Variants in SLC2A7 observed in about 807,000 individuals in gnomAD.
SLC2A7 encodes solute carrier family 2, facilitated glucose transporter member 7.
In SLC2A7, 50 loss-of-function variants were observed where a neutral mutation model predicts 50.5. The ratio of observed to expected loss-of-function variants is 0.99; its 90% CI spans 0.79 to 1.25. The LOEUF is 1.25. SLC2A7 is among the 50% of genes most tolerant of loss of function. SLC2A7 has a pLI of 0.00. For synonymous variants in SLC2A7, 308 were observed against 300.4 expected, an observed-to-expected ratio of 1.03 and a Z score of -0.26; for missense variants, 683 against 679.1, an observed-to-expected ratio of 1.01 and a Z score of -0.06.
In SLC2A7 at chr1:9,008,324, C is replaced by G. The variant is rs542268444; in HGVS notation, c.1117-939G>C. Among the ~76,000 whole-genome samples, 1 of 152,246 alleles carries G rather than the reference C, an allele frequency of 6.6e-6. No homozygotes were observed. The highest frequency in any genetic ancestry group is 2.1e-4 in the South Asian group (1 of 4,824). The stretch of plus-strand genomic sequence containing the variant: ...GCAACAAGATCTGATTCATTTTCAA[C>G]AAGAAGAGAAGGCAGGAGGATTGGG... On this transcript the variant is annotated intron_variant, in intron 9 of 11. Coordinates refer to ENST00000400906, the MANE Select transcript of SLC2A7 (RefSeq NM_207420.3). The surrounding 1 kb of genome is among the most constrained non-coding windows in gnomAD (Gnocchi z 5.9).
intron 9 of SLC2A7, 125 bp from the exon 10 acceptor site, chr1:9,007,510 G>A: frequency 1.2e-6 from 1 of 811,134 alleles, no homozygotes; most frequent in South Asian, 1.7e-5. Flanking sequence ...CACCTCCATG[G>A]ACCTTGAGGG....
At chr1:9,015,041 G>T in intron 6 of SLC2A7, 76 bp downstream of exon 6, 11 of 1,588,084 alleles carry the variant, frequency 6.9e-6, no homozygotes, top group Non-Finnish European at 9.4e-6. Flanking sequence ...TGGCGACCCT[G>T]ACTGTGGCCC....
chr1:9,014,682 G>A lies in SLC2A7; in HGVS notation c.902C>T (p.Ala301Val), dbSNP rs1025513705. Reference protein sequence around the residue: ...MAGQQLSGINAINYYADTIYT... With the variant: ...MAGQQLSGINVINYYADTIYT... Reference sequence around the variant, plus strand: ...CTGCCTGGCCACCGTCCCACATACCGCATTGATGCCCGACAGCTGCTGGCC... The same window carrying A: ...CTGCCTGGCCACCGTCCCACATACCACATTGATGCCCGACAGCTGCTGGCC... The change falls in exon 7 of 12, where the codon GCG (alanine) becomes GTG (valine). Residue 301 changes from alanine to valine, a missense_variant and splice_region_variant. Physicochemically the swap from Ala to Val is moderately conservative, Grantham distance 64. Coordinates refer to ENST00000400906, the MANE Select transcript of SLC2A7 (RefSeq NM_207420.3). The A allele has an allele frequency of 1.2e-5, 18 of 1,554,794 alleles. No individual in the cohort carries two copies. The East Asian group carries it at 1.7e-4, about 15-fold the overall frequency.
At position 9,023,221 on chromosome 1, in the gene SLC2A7, T is replaced by C. The variant is rs77248944; in HGVS notation, c.151-143A>G. 5.3e-3 allele frequency: 3,757 copies of C among 710,202 alleles called. 39 individuals carry two copies. Among genetic ancestry groups the C allele is most frequent in the East Asian group, 0.048 (1,635 of 33,744 alleles). The allele number at this position is 710,202 out of a possible 1,614,324, so 44.0% of individuals were successfully genotyped here. A position where few individuals can be genotyped will look rare whatever the true frequency, so the allele number is the denominator to read the frequency against. On this transcript the variant is annotated intron_variant, in intron 2 of 11. Transcript: ENST00000400906. The stretch of plus-strand genomic sequence containing the variant: ...GACACAGTTAAACCCACTGATTCCC[T>C]ACTATTACCTGAGAATCAAAAAATC...
chr1:9,014,702 C>T lies in SLC2A7; in HGVS notation c.882G>A (p.Gln294=), dbSNP rs927186023. Residue 294 remains glutamine, a synonymous_variant, in exon 7 of 12, where the codon CAG becomes CAA. Coordinates refer to ENST00000400906, the MANE Select transcript of SLC2A7 (RefSeq NM_207420.3). ...LLSIIVLMAG[Q]QLSGINAINY... ...ATACCGCATTGATGCCCGACAGCTGCTGGCCGGCCATGAGCACGATGATGG... is the reference window on the plus strand; with the variant it reads ...ATACCGCATTGATGCCCGACAGCTGTTGGCCGGCCATGAGCACGATGATGG... 1.3e-6 allele frequency: 2 copies of T among 1,560,536 alleles called. No individual in the cohort carries two copies. Among genetic ancestry groups the T allele is most frequent in the Non-Finnish European group, 1.7e-6 (2 of 1,152,212 alleles).
chr1:8,997,837 T>G, the SLC2A7 span, among the ~76,000 whole-genome samples: 6 of 152,242 alleles, frequency 3.9e-5, no homozygotes, highest in Admixed American at 3.9e-4. Flanking sequence ...ATAGAAAATT[T>G]TATTAATTTT....
intron 8 of SLC2A7, among the ~76,000 whole-genome samples, chr1:9,012,751 C>T (rs755499010): frequency 2.1e-4 from 32 of 152,300 alleles, no homozygotes; most frequent in Admixed American, 6.5e-4. Flanking sequence ...GCGTAAGTAG[C>T]TCAGACTTTA....
intron 4 of SLC2A7, among the ~76,000 whole-genome samples, chr1:9,018,649 C>G (rs1640867740): frequency 6.6e-6 from 1 of 152,208 alleles, no homozygotes. Flanking sequence ...GGAGCCTAGG[C>G]CTCCGTGTGT....
rs760502963 is a variant in SLC2A7 at position 9,007,378 on chromosome 1, A to T, written c.1124T>A (p.Val375Asp). The stretch of plus-strand genomic sequence containing the variant: ...GATGCCGAGGTAGGACAGCTCGGGG[A>T]CCCTGTTCTGTGGGGAGAGGCAGGG... ...LTVVLLFQNR[V>D]PELSYLGIIC... Residue 375 changes from valine to aspartate, a missense_variant, in exon 10 of 12, where the codon GTC becomes GAC. By Grantham distance (152) the Val-to-Asp change is radical. Coordinates refer to ENST00000400906, the MANE Select transcript of SLC2A7 (RefSeq NM_207420.3). The T allele has an allele frequency of 1.9e-6, 3 of 1,613,872 alleles. No homozygotes were observed. The East Asian group carries it at 6.7e-5, about 36-fold the overall frequency.
At chr1:9,010,041 G>A (rs1352187664) in intron 9 of SLC2A7, 102 bp downstream of exon 9, 1 of 1,026,308 alleles carries the variant, frequency 9.7e-7, no homozygotes, top group East Asian at 2.6e-5. Context: ...GCCATCAGTG[G>A]GACTCAGAAC....
downstream of SLC2A7, among the ~76,000 whole-genome samples, chr1:9,000,702 G>A (rs1294673775): frequency 7.2e-5 from 11 of 151,780 alleles, no homozygotes; most frequent in South Asian, 2.1e-4. Flanking sequence ...ATTGTGGGCC[G>A]GAGTGACTGA....
rs752931488 is a variant in SLC2A7, at chr1:9,007,380, C to G, written c.1122G>C (p.Arg374Ser). Residue 374 changes from arginine to serine, a missense_variant, in exon 10 of 12, where the codon AGG (arginine) becomes AGC (serine). Arg to Ser is a moderately radical substitution (Grantham distance 110, BLOSUM62 -1). Transcript: ENST00000400906. Reference sequence around the variant, plus strand: ...TGCCGAGGTAGGACAGCTCGGGGACCCTGTTCTGTGGGGAGAGGCAGGGCT... The same window carrying G: ...TGCCGAGGTAGGACAGCTCGGGGACGCTGTTCTGTGGGGAGAGGCAGGGCT... ...VLTVVLLFQNRVPELSYLGII... is the reference protein window; with the variant it reads ...VLTVVLLFQNSVPELSYLGII... 6 of 1,613,964 alleles carry G rather than the reference C, an allele frequency of 3.7e-6. No individual in the cohort carries two copies. The highest frequency in any genetic ancestry group is 4.2e-6 in the Non-Finnish European group (5 of 1,179,998).
At chr1:9,019,366 G>A (rs372152121) in intron 3 of SLC2A7, 33 bp from the exon 4 acceptor site, 94 of 1,611,324 alleles carry the variant, frequency 5.8e-5, no homozygotes, top group African/African-American at 8.0e-5. Flanking sequence ...GGGCAGGGGT[G>A]CGTGGAGGCC....
chr1:9,010,756 C>T (rs1640737193), intron 8 of SLC2A7, among the ~76,000 whole-genome samples: 3 of 152,206 alleles, frequency 2.0e-5, no homozygotes, highest in Admixed American at 1.3e-4. Flanking sequence ...ACCACCCTTC[C>T]TTGTTCTGGT....
At chr1:9,020,163 G>A (rs1282009930) in intron 3 of SLC2A7, among the ~76,000 whole-genome samples, 1 of 152,152 alleles carries the variant, frequency 6.6e-6, no homozygotes, top group African/African-American at 2.4e-5. Context: ...AAGACTTGGG[G>A]TCAGTGGGGG....
chr1:9,022,162 G>A (rs1224826599), intron 3 of SLC2A7, among the ~76,000 whole-genome samples: 1 of 152,114 alleles, frequency 6.6e-6, no homozygotes, highest in Non-Finnish European at 1.5e-5. Context: ...TTTTTTGAGT[G>A]ACTTTTCACT....
At chr1:8,997,233 G>A in the SLC2A7 span, among the ~76,000 whole-genome samples, 1 of 152,038 alleles carries the variant, frequency 6.6e-6, no homozygotes. Flanking sequence ...TTGAGGCCAG[G>A]AGTTTGAGGC....
intron 8 of SLC2A7, among the ~76,000 whole-genome samples, chr1:9,013,237 C>T (rs1228201054): frequency 2.6e-5 from 4 of 152,156 alleles, no homozygotes; most frequent in Non-Finnish European, 4.4e-5. Context: ...TCATGTTGGC[C>T]AGGCTGGTCT....
At chr1:9,018,117 A>C (rs1640856936) in intron 5 of SLC2A7, 106 bp downstream of exon 5, 8 of 1,483,640 alleles carry the variant, frequency 5.4e-6, no homozygotes, top group Non-Finnish European at 7.3e-6. Flanking sequence ...CCAACACCTG[A>C]CCCTAAAATC....
Sources: gnomAD v4.1 joint callset for allele counts (sites outside exome capture counted in the v4.1 genomes callset) on GRCh38, gnomAD v4.1.1 for gene constraint, Gnocchi (gnomAD v3.1) non-coding constraint, MANE v1.5 for transcripts, NCBI Gene and HGNC (gene_info 2026-07-23, HGNC 2026-07-21) for gene names.